The following ZNF608 variants were observed in gnomAD, a reference collection of about 807,000 sequenced individuals.
The protein encoded by ZNF608 is zinc finger protein 608.
A neutral mutation model predicts 109.0 loss-of-function variants in ZNF608; 12 were observed. That is an observed-to-expected ratio of 0.11 (90% CI 0.07 to 0.18). ZNF608 has a LOEUF of 0.18. ZNF608 is among the 10% of genes least tolerant of loss of function. ZNF608 has a pLI of 1.00. For missense variants in ZNF608, 1,707 were observed against 1,879.3 expected, an observed-to-expected ratio of 0.91 and a Z score of 1.70; for synonymous variants, 732 against 717.4, an observed-to-expected ratio of 1.02 and a Z score of -0.33.
At chr5:124,723,398 A>T (rs77937155) in intron 2 of ZNF608, among the ~76,000 whole-genome samples, 12,487 of 152,222 alleles carry the variant, frequency 0.082, 1,635 homozygotes, top group African/African-American at 0.27. Context: ...TAATAAATAA[A>T]AATGTTTGGC....
At chr5:124,678,327 A>T (rs1258343780) in intron 3 of ZNF608, among the ~76,000 whole-genome samples, 1 of 152,212 alleles carries the variant, frequency 6.6e-6, no homozygotes, top group Non-Finnish European at 1.5e-5. Flanking sequence ...AAATCCCATC[A>T]AATTGTAATA....
At chr5:124,676,332 G>A (rs1249716095) in intron 3 of ZNF608, among the ~76,000 whole-genome samples, 1 of 152,126 alleles carries the variant, frequency 6.6e-6, no homozygotes, top group Non-Finnish European at 1.5e-5. Flanking sequence ...TTTTCCTTCT[G>A]TTTATCTTTC....
At chr5:124,746,808 G>C (rs1048974921), upstream of ZNF608, 2 of 983,316 alleles carry the variant, frequency 2.0e-6, no homozygotes, top group Non-Finnish European at 2.4e-6. Flanking sequence ...AGGAGGGGGG[G>C]AGTAGAGGGA....
chr5:124,675,093 C>T (rs1010540077), intron 3 of ZNF608, among the ~76,000 whole-genome samples: 1 of 152,148 alleles, frequency 6.6e-6, no homozygotes, highest in Non-Finnish European at 1.5e-5. Flanking sequence ...AAAAACAAAA[C>T]AGTCTCTCCT....
intron 3 of ZNF608, among the ~76,000 whole-genome samples, chr5:124,678,852 G>A (rs768540702): frequency 6.6e-6 from 1 of 152,162 alleles, no homozygotes; most frequent in Non-Finnish European, 1.5e-5. Flanking sequence ...ATTTTCCCAA[G>A]AGTACACCAT....
intron 3 of ZNF608, among the ~76,000 whole-genome samples, chr5:124,691,260 AAAAACAAAAAC>A (rs1752615482): frequency 6.6e-6 from 1 of 152,032 alleles, no homozygotes; most frequent in Non-Finnish European, 1.5e-5. Flanking sequence ...CTTTTATTTA[AAAAACAAAAAC>A]AAAACAAAAA....
chr5:124,688,275 C>T (rs1398690042), intron 3 of ZNF608, among the ~76,000 whole-genome samples: 1 of 152,108 alleles, frequency 6.6e-6, no homozygotes, highest in Non-Finnish European at 1.5e-5. Context: ...TCATCCAGAG[C>T]AAAGCCCTCC....
rs1266900957 is a variant in ZNF608, at chr5:124,637,655, A to ATATATT, written c.*239_*244dup. On this transcript the variant is annotated 3_prime_UTR_variant, in exon 10 of 10. Transcript: ENST00000513986. Reference sequence around the variant, plus strand: ...TGGTTACTGATACAAAAAGTAAAGAATATATTTATATTTATATATATATAT... The same window carrying ATATATT: ...TGGTTACTGATACAAAAAGTAAAGAATATATTTATATTTATATTTATATATATATAT... 2.7e-4 allele frequency: 46 copies of ATATATT among 170,368 alleles called. No homozygotes were observed. Among genetic ancestry groups the ATATATT allele is most frequent in the African/African-American group, 9.9e-4 (39 of 39,498 alleles). 10.6% of individuals were successfully genotyped at this position (170,368 alleles called of 1,614,324 possible).
At chr5:124,727,246 C>G (rs1236065489) in intron 2 of ZNF608, among the ~76,000 whole-genome samples, 2 of 152,074 alleles carry the variant, frequency 1.3e-5, no homozygotes, top group African/African-American at 4.8e-5. Context: ...ACTCTAAAAC[C>G]CTCTCCTCTC....
chr5:124,702,792 G>A (rs541841021), intron 2 of ZNF608, among the ~76,000 whole-genome samples: 2 of 152,156 alleles, frequency 1.3e-5, no homozygotes, highest in African/African-American at 4.8e-5. Flanking sequence ...GCTTTTTATT[G>A]TTCTGCATTC....
intron 3 of ZNF608, among the ~76,000 whole-genome samples, chr5:124,671,561 A>G (rs1281603242): frequency 6.6e-6 from 1 of 152,142 alleles, no homozygotes; most frequent in Non-Finnish European, 1.5e-5. Context: ...CCCTTAAACA[A>G]AAATATTTTA....
chr5:124,648,876 T>C lies in ZNF608; in HGVS notation c.1508A>G (p.Lys503Arg). The change falls in exon 5 of 10, where the codon AAG becomes AGG. Residue 503 changes from lysine to arginine, a missense_variant. Lys to Arg is a conservative substitution (Grantham distance 26). Transcript: ENST00000513986. The part of the protein sequence containing the change: ...SPSSTNKRKN[K>R]PPMELDLNSS... ...GTTCAGGTCCAGCTCCATTGGAGGCTTGTTTTTCCTTTTGTTGGTGGAGGA... is the reference window on the plus strand; with the variant it reads ...GTTCAGGTCCAGCTCCATTGGAGGCCTGTTTTTCCTTTTGTTGGTGGAGGA... 1 of 1,614,026 alleles carries C rather than the reference T, an allele frequency of 6.2e-7. No individual in the cohort carries two copies.
chr5:124,733,199 TTCTC>T (rs1221062446), intron 2 of ZNF608, among the ~76,000 whole-genome samples: 6 of 151,184 alleles, frequency 4.0e-5, no homozygotes, highest in Admixed American at 1.3e-4. Context: ...AAACCATTCA[TTCTC>T]TCTATCTCTC....
At chr5:124,741,926 C>G (rs1749426588) in intron 2 of ZNF608, among the ~76,000 whole-genome samples, 1 of 152,150 alleles carries the variant, frequency 6.6e-6, no homozygotes, top group Non-Finnish European at 1.5e-5. Context: ...CCCCTGGATC[C>G]AAGCCTTTGA....
At chr5:124,706,632 G>T (rs967392338) in intron 2 of ZNF608, among the ~76,000 whole-genome samples, 2 of 152,084 alleles carry the variant, frequency 1.3e-5, no homozygotes, top group Non-Finnish European at 2.9e-5. Context: ...TTTAGCAATG[G>T]TTTCTTTGTC....
At chr5:124,711,059 C>G (rs1753468340) in intron 2 of ZNF608, among the ~76,000 whole-genome samples, 1 of 152,208 alleles carries the variant, frequency 6.6e-6, no homozygotes, top group African/African-American at 2.4e-5. Flanking sequence ...AGGCCACAGC[C>G]TGTCCCAATG....
intron 2 of ZNF608, among the ~76,000 whole-genome samples, chr5:124,736,200 C>T (rs2149898187): frequency 6.6e-6 from 1 of 152,290 alleles, no homozygotes; most frequent in East Asian, 1.9e-4. Flanking sequence ...CACGGGAACA[C>T]ATAACTAAAG....
At chr5:124,747,398 C>T (rs562408764), upstream of ZNF608, among the ~76,000 whole-genome samples, 134 of 151,704 alleles carry the variant, frequency 8.8e-4, no homozygotes, top group Non-Finnish European at 1.2e-3. Context: ...AGTCGCTTTG[C>T]TGGAAATGTC....
At chr5:124,729,395 A>G (rs1378469777) in intron 2 of ZNF608, among the ~76,000 whole-genome samples, 1 of 152,226 alleles carries the variant, frequency 6.6e-6, no homozygotes, top group Non-Finnish European at 1.5e-5. Context: ...GTACCTAACA[A>G]TGCCCCTAAA....
Sources: allele counts gnomAD v4.1 joint callset (sites outside exome capture counted in the v4.1 genomes callset), GRCh38; gene constraint gnomAD v4.1.1; transcripts MANE v1.5; gene names NCBI Gene and HGNC (gene_info 2026-07-23, HGNC 2026-07-21).